The following PFKFB3 variants were observed in gnomAD, a reference collection of about 807,000 sequenced individuals.
PFKFB3 encodes the protein 6-phosphofructo-2-kinase/fructose-2,6-biphosphatase 3.
A neutral mutation model predicts 68.0 loss-of-function variants in PFKFB3; 33 were observed. That is an observed-to-expected ratio of 0.49 (90% CI 0.37 to 0.65). The LOEUF is 0.65. Among genes scored for constraint, PFKFB3 ranks in the 30% least tolerant of loss-of-function variants. PFKFB3 has a pLI of 0.00. For synonymous variants in PFKFB3, 315 were observed against 288.2 expected, an observed-to-expected ratio of 1.09 and a Z score of -0.94; for missense variants, 586 against 712.2, an observed-to-expected ratio of 0.82 and a Z score of 2.02.
chr10:6,254,344 C>T (rs569996680), exon 15 of PFKFB3: 17 of 398,482 alleles, frequency 4.3e-5, no homozygotes, highest in Non-Finnish European at 7.5e-5. Flanking sequence ...CCTCACCTTT[C>T]TGGCTCTGCG....
intron 1 of PFKFB3, among the ~76,000 whole-genome samples, chr10:6,164,433 A>C (rs609587): frequency 6.6e-6 from 1 of 152,140 alleles, no homozygotes; most frequent in South Asian, 2.1e-4. Flanking sequence ...TAACCCAGAC[A>C]TGGCAGGACT....
At chr10:6,177,436 T>TCC (rs1842536656) in intron 1 of PFKFB3, among the ~76,000 whole-genome samples, 1 of 56,392 alleles carries the variant, frequency 1.8e-5, no homozygotes, top group Non-Finnish European at 3.9e-5. Flanking sequence ...TTTCTTTTCT[T>TCC]TCTCTTTCTT....
At chr10:6,240,167 T>C (rs1354096180), downstream of PFKFB3, among the ~76,000 whole-genome samples, 1 of 152,230 alleles carries the variant, frequency 6.6e-6, no homozygotes, top group Non-Finnish European at 1.5e-5. Context: ...GCAGGACGTT[T>C]GCAAGTTAGC....
At chr10:6,231,988 C>T (rs550945386) in intron 14 of PFKFB3, among the ~76,000 whole-genome samples, 195 of 152,380 alleles carry the variant, frequency 1.3e-3, no homozygotes, top group Non-Finnish European at 2.1e-3. Flanking sequence ...GACTTTCCTC[C>T]CTGTGGATGG....
At position 6,190,707 on chromosome 10, in the gene PFKFB3, C is replaced by T. The variant is rs187603393; in HGVS notation, c.17-22916C>T. Among the ~76,000 whole-genome samples the T allele has an allele frequency of 1.7e-4, 26 of 152,230 alleles. 1 individual carries two copies. The East Asian group carries it at 2.7e-3, about 16-fold the overall frequency. On this transcript the variant is annotated intron_variant, in intron 1 of 14. Transcript: ENST00000379789. ...AGTGGGGAACCCTTTAGAATAGGCT[C>T]GTGTGTTTCTTGATATATCCACATC...
chr10:6,225,212 CCGAG>C (rs1845258731), intron 13 of PFKFB3: 1 of 456,080 alleles, frequency 2.2e-6, no homozygotes, highest in Admixed American at 2.3e-5. Context: ...TTCTCTTAGA[CCGAG>C]CGTGACTTTC....
At chr10:6,256,553 T>C (rs1403318269), downstream of PFKFB3, among the ~76,000 whole-genome samples, 2 of 152,242 alleles carry the variant, frequency 1.3e-5, no homozygotes, top group African/African-American at 4.8e-5. Flanking sequence ...TGCATGGAGA[T>C]GGCAGCCACC....
intron 7 of PFKFB3, 84 bp downstream of exon 7, chr10:6,219,777 C>T (rs961570236): frequency 6.7e-7 from 1 of 1,485,010 alleles, no homozygotes; most frequent in African/African-American, 1.4e-5. Context: ...GGATTTGCTC[C>T]TGGATACCTT....
the PFKFB3 span, among the ~76,000 whole-genome samples, chr10:6,263,551 C>T: frequency 1.3e-5 from 2 of 152,238 alleles, no homozygotes; most frequent in Non-Finnish European, 2.9e-5. Flanking sequence ...ATTTCCATCT[C>T]TTTCTAGCAG....
At chr10:6,156,166 T>TGTGTGTGTGTGTGTGTG (rs1554840075) in intron 1 of PFKFB3, among the ~76,000 whole-genome samples, 1 of 151,436 alleles carries the variant, frequency 6.6e-6, no homozygotes, top group East Asian at 2.0e-4. Flanking sequence ...TGTGTGTGTA[T>TGTGTGTGTGTGTGTGTG]TTTTAGAGGC....
intron 1 of PFKFB3, among the ~76,000 whole-genome samples, chr10:6,207,178 G>A (rs1219857895): frequency 6.6e-6 from 1 of 152,250 alleles, no homozygotes; most frequent in Non-Finnish European, 1.5e-5. Context: ...GACTCCGTCT[G>A]CAATCCCGGC....
At chr10:6,317,344 G>A in the PFKFB3 span, among the ~76,000 whole-genome samples, 1 of 152,166 alleles carries the variant, frequency 6.6e-6, no homozygotes, top group Non-Finnish European at 1.5e-5. Context: ...CCTTCATAAA[G>A]AGAAGATAAA....
At chr10:6,243,804 A>G (rs112173966) in intron 14 of PFKFB3, among the ~76,000 whole-genome samples, 256 of 152,276 alleles carry the variant, frequency 1.7e-3, no homozygotes, top group Non-Finnish European at 1.5e-3. Context: ...GCTCATTGCA[A>G]CCTTCAACTC....
intron 1 of PFKFB3, among the ~76,000 whole-genome samples, chr10:6,186,136 T>C (rs1332945721): frequency 1.3e-5 from 2 of 152,180 alleles, no homozygotes; most frequent in Non-Finnish European, 2.9e-5. Context: ...GAAATAAAAC[T>C]ATTTTGTTTT....
chr10:6,276,403 A>C, the PFKFB3 span, among the ~76,000 whole-genome samples: 1 of 152,038 alleles, frequency 6.6e-6, no homozygotes, highest in Admixed American at 6.6e-5. Flanking sequence ...AGAAAAAAAA[A>C]AAATCCCAAG....
chr10:6,148,400 T>C (rs12218346), intron 1 of PFKFB3, among the ~76,000 whole-genome samples: 55,387 of 151,870 alleles, frequency 0.36, 10,912 homozygotes, highest in South Asian at 0.5. Context: ...AGGAACCATA[T>C]CAAGTGGGTG....
Position 6,169,677 on chromosome 10 carries a change from G to A in PFKFB3, c.16+24664G>A, listed in dbSNP as rs907509920. On this transcript the variant is annotated intron_variant, in intron 1 of 14. Coordinates refer to the PFKFB3 transcript ENST00000379789. ...GTGATGTATCCTGGGCTCTCTAGAG[G>A]CTTACAAACATGTGGAATCTAAAAG... Among the ~76,000 whole-genome samples, 3 of 152,144 alleles carry A rather than the reference G, an allele frequency of 2.0e-5. No homozygotes were observed. The South Asian group carries it at 6.2e-4, about 32-fold the overall frequency.
chr10:6,177,472 C>CTTTCTTTCTTTCTTTG (rs1842553504), intron 1 of PFKFB3, among the ~76,000 whole-genome samples: 1 of 123,600 alleles, frequency 8.1e-6, no homozygotes, highest in Admixed American at 8.7e-5. Flanking sequence ...TTCTTTCTTT[C>CTTTCTTTCTTTCTTTG]TTTCTTTCTT....
the PFKFB3 span, among the ~76,000 whole-genome samples, chr10:6,305,953 T>C: frequency 8.5e-5 from 13 of 152,178 alleles, no homozygotes; most frequent in Admixed American, 1.3e-4. Flanking sequence ...CTCCCCAGAG[T>C]GCTGAGGTCA....
Sources: gnomAD v4.1 joint callset for allele counts (sites outside exome capture counted in the v4.1 genomes callset) on GRCh38, gnomAD v4.1.1 for gene constraint, MANE v1.5 for transcripts, NCBI Gene and HGNC (gene_info 2026-07-23, HGNC 2026-07-21) for gene names.